Variants in KCNA2 observed in about 807,000 individuals in gnomAD.
The protein encoded by KCNA2 is potassium channel, voltage gated shaker related subfamily A, member 2.
A neutral mutation model predicts 33.4 loss-of-function variants in KCNA2; 11 were observed. That is an observed-to-expected ratio of 0.33 (90% CI 0.21 to 0.55). The LOEUF is 0.55. KCNA2 is among the 20% of genes least tolerant of loss of function. The pLI is 0.93. For missense variants in KCNA2, 291 were observed against 621.6 expected, an observed-to-expected ratio of 0.47 and a Z score of 5.66; for synonymous variants, 222 against 231.3, an observed-to-expected ratio of 0.96 and a Z score of 0.37.
chr1:110,628,224 C>G (rs1650451740), intron 1 of KCNA2, among the ~76,000 whole-genome samples: 1 of 152,106 alleles, frequency 6.6e-6, no homozygotes, highest in African/African-American at 2.4e-5. Context: ...GTTCTCCATT[C>G]TGTCCTCCAC....
chr1:110,596,681 T>C lies in KCNA2; in HGVS notation c.*6602A>G. 1 of 960,722 alleles carries C rather than the reference T, an allele frequency of 1.0e-6. No individual in the cohort carries two copies. Among genetic ancestry groups the C allele is most frequent in the Non-Finnish European group, 1.2e-6 (1 of 807,414 alleles). The allele number at this position is 960,722 out of a possible 1,614,324, so 59.5% of individuals were successfully genotyped here. A position where few individuals can be genotyped will look rare whatever the true frequency, so the allele number is the denominator to read the frequency against. On this transcript the variant is annotated 3_prime_UTR_variant, in exon 3 of 3. Coordinates refer to ENST00000316361, the MANE Select transcript of KCNA2 (RefSeq NM_004974.4). ...CTTAACTAAGGCAGGAAAGTTATGCTAACCTACTTAGGAAATATTTTTCTC... is the reference window on the plus strand; with the variant it reads ...CTTAACTAAGGCAGGAAAGTTATGCCAACCTACTTAGGAAATATTTTTCTC...
upstream of KCNA2, chr1:110,608,086 C>T (rs574724790): frequency 6.6e-6 from 1 of 152,554 alleles, no homozygotes; most frequent in East Asian, 1.9e-4. Flanking sequence ...GAATGGTCAG[C>T]TACTCACAAA....
At chr1:110,618,860 C>A (rs1650155385) in intron 1 of KCNA2, among the ~76,000 whole-genome samples, 2 of 152,332 alleles carry the variant, frequency 1.3e-5, no homozygotes, top group South Asian at 4.1e-4. Context: ...TGTCTTATCT[C>A]TTCCGGCAGG....
At position 110,600,403 on chromosome 1, in the gene KCNA2, T is replaced by C; in HGVS notation, c.*2880A>G. The C allele has an allele frequency of 1.0e-6, 1 of 985,110 alleles. No homozygotes were observed. Among genetic ancestry groups the C allele is most frequent in the East Asian group, 1.1e-4 (1 of 8,804 alleles). The allele number at this position is 985,110 out of a possible 1,614,324, so 61.0% of individuals were successfully genotyped here. Reference sequence around the variant, plus strand: ...TTTTGCATCTGAGTTTCAGGTTGTATATTTGTATGTGGTGTATGTTTGTCT... The same window carrying C: ...TTTTGCATCTGAGTTTCAGGTTGTACATTTGTATGTGGTGTATGTTTGTCT... On this transcript the variant is annotated 3_prime_UTR_variant, in exon 3 of 3. Transcript: ENST00000316361.
Position 110,630,632 on chromosome 1 carries a change from C to T in KCNA2, c.-496+763G>A, listed in dbSNP as rs570088091. ...TTAGATAAAATACATAAGCACTGGG[C>T]GCATGGTAGGCATTCAGTAATTGTT... On this transcript the variant is annotated intron_variant, in intron 1 of 4. Transcript: ENST00000369770. 2.0e-4 allele frequency among the ~76,000 whole-genome samples: 31 copies of T among 152,198 alleles called. No individual in the cohort carries two copies. The South Asian group carries it at 4.6e-3, about 22-fold the overall frequency.
chr1:110,606,891 TC>T (rs1299909914), upstream of KCNA2: 2 of 152,328 alleles, frequency 1.3e-5, no homozygotes, highest in African/African-American at 2.4e-5. Context: ...AGCCCGGCCG[TC>T]CCAAGTGGTT....
chr1:110,598,987 G>A lies in KCNA2; in HGVS notation c.*4296C>T, dbSNP rs1649222804. 1 of 985,286 alleles carries A rather than the reference G, an allele frequency of 1.0e-6. No homozygotes were observed. Among genetic ancestry groups the A allele is most frequent in the African/African-American group, 1.7e-5 (1 of 57,238 alleles). 61.0% of individuals were successfully genotyped at this position (985,286 alleles called of 1,614,324 possible). On this transcript the variant is annotated 3_prime_UTR_variant, in exon 3 of 3. Transcript: ENST00000316361. ...TGAATCCACAGAGGCACTTGATGAA[G>A]CCAACAGGAATGGTACCTTGACCTG...
chr1:110,612,737 T>A (rs1013646554), intron 1 of KCNA2, among the ~76,000 whole-genome samples: 1 of 152,240 alleles, frequency 6.6e-6, no homozygotes, highest in African/African-American at 2.4e-5. Context: ...AGGATCAACC[T>A]GCATTTCCTA....
upstream of KCNA2, among the ~76,000 whole-genome samples, chr1:110,608,542 G>C (rs1337982723): frequency 6.6e-6 from 1 of 152,194 alleles, no homozygotes; most frequent in East Asian, 1.9e-4. Context: ...GGATTCTGGC[G>C]TTTCATCGTG....
intron 1 of KCNA2, among the ~76,000 whole-genome samples, chr1:110,620,696 T>C (rs1044343834): frequency 3.9e-5 from 6 of 152,092 alleles, no homozygotes; most frequent in African/African-American, 1.4e-4. Flanking sequence ...GTGGGTAAAG[T>C]CGGTCATCTA....
chr1:110,600,142 G>A lies in KCNA2; in HGVS notation c.*3141C>T, dbSNP rs370594052. On this transcript the variant is annotated 3_prime_UTR_variant, in exon 3 of 3. Coordinates refer to ENST00000316361, the MANE Select transcript of KCNA2 (RefSeq NM_004974.4). ...TGATTACATCTGATCTTTTGTTTGTGCCTGTTAATTCATAGCTCTGGGGGC... is the reference window on the plus strand; with the variant it reads ...TGATTACATCTGATCTTTTGTTTGTACCTGTTAATTCATAGCTCTGGGGGC... 1 of 984,520 alleles carries A rather than the reference G, an allele frequency of 1.0e-6. No homozygotes were observed. Among genetic ancestry groups the A allele is most frequent in the Non-Finnish European group, 1.2e-6 (1 of 829,806 alleles). 61.0% of individuals were successfully genotyped at this position (984,520 alleles called of 1,614,324 possible). A position where few individuals can be genotyped will look rare whatever the true frequency, so the allele number is the denominator to read the frequency against.
upstream of KCNA2, among the ~76,000 whole-genome samples, chr1:110,609,978 A>G (rs1197304328): frequency 3.9e-5 from 6 of 152,248 alleles, no homozygotes; most frequent in African/African-American, 1.2e-4. Flanking sequence ...AAAATTAGCT[A>G]TAAAGAATGG....
rs150645242 is a variant in KCNA2 at position 110,597,582 on chromosome 1, A to G, written c.*5701T>C. On this transcript the variant is annotated 3_prime_UTR_variant, in exon 3 of 3. Coordinates refer to ENST00000316361, the MANE Select transcript of KCNA2 (RefSeq NM_004974.4). ...CAGGCCTTCCTTGTGCATACACTGC[A>G]TCTTAGCATATGTGTCCATTCCAGA... is the stretch of plus-strand genomic sequence containing the variant. The G allele has an allele frequency of 1.0e-6, 1 of 985,448 alleles. No individual in the cohort carries two copies. Among genetic ancestry groups the G allele is most frequent in the African/African-American group, 1.7e-5 (1 of 57,360 alleles). 61.0% of individuals were successfully genotyped at this position (985,448 alleles called of 1,614,324 possible). A position where few individuals can be genotyped will look rare whatever the true frequency, so the allele number is the denominator to read the frequency against.
At chr1:110,623,847 G>A (rs1156280743) in intron 1 of KCNA2, among the ~76,000 whole-genome samples, 1 of 151,368 alleles carries the variant, frequency 6.6e-6, no homozygotes, top group Non-Finnish European at 1.5e-5. Context: ...TGGATAATAA[G>A]CACATGAAAA....
At chr1:110,629,894 T>C (rs188637467) in intron 1 of KCNA2, among the ~76,000 whole-genome samples, 1 of 152,250 alleles carries the variant, frequency 6.6e-6, no homozygotes, top group African/African-American at 2.4e-5. Context: ...AAGAAAAGGG[T>C]ATTCATTTAT....
At position 110,593,949 on chromosome 1, in the gene KCNA2, C is replaced by T. The variant is rs1557724790; in HGVS notation, c.*9334G>A. The stretch of plus-strand genomic sequence containing the variant: ...GGTGTCTAAATTTTCAAGAAGCAAA[C>T]AAATAGTTAAATGACTCCCAACTCC... On this transcript the variant is annotated 3_prime_UTR_variant, in exon 3 of 3. Coordinates refer to ENST00000316361, the MANE Select transcript of KCNA2 (RefSeq NM_004974.4). 1 of 1,549,600 alleles carries T rather than the reference C, an allele frequency of 6.5e-7. No individual in the cohort carries two copies. The highest frequency in any genetic ancestry group is 8.7e-7 in the Non-Finnish European group (1 of 1,146,632).
At position 110,594,183 on chromosome 1, in the gene KCNA2, G is replaced by GCAGC. The variant is rs1648987217; in HGVS notation, c.*9096_*9099dup. ...ATTATTAGAGACAGGACATGGGAGG[G>GCAGC]CAGCTGAAGATTCATGCACAAGCAG... On this transcript the variant is annotated 3_prime_UTR_variant, in exon 3 of 3. Transcript: ENST00000316361. 4.5e-5 allele frequency: 55 copies of GCAGC among 1,233,996 alleles called. No individual in the cohort carries two copies. In the South Asian group the frequency reaches 1.1e-3, roughly 25 times the overall value. The allele number at this position is 1,233,996 out of a possible 1,614,324, so 76.4% of individuals were successfully genotyped here.
rs1256141323 is a variant in KCNA2 at position 110,602,102 on chromosome 1, G to A, written c.*1181C>T. 2.6e-6 allele frequency: 4 copies of A among 1,550,438 alleles called. No homozygotes were observed. The Admixed American group carries it at 5.9e-5, about 23-fold the overall frequency. On this transcript the variant is annotated 3_prime_UTR_variant, in exon 3 of 3. Coordinates refer to ENST00000316361, the MANE Select transcript of KCNA2 (RefSeq NM_004974.4). ...CCGCGACTAGGTTAATTCCTAAGGT[G>A]CAGTCATGTGAGGTGTTCAGATGCT... is the stretch of plus-strand genomic sequence containing the variant.
In KCNA2 at chr1:110,595,129, G is replaced by C; in HGVS notation, c.*8154C>G. 4.1e-6 allele frequency: 4 copies of C among 985,278 alleles called. No individual in the cohort carries two copies. The South Asian group carries it at 1.9e-4, about 46-fold the overall frequency. The allele number at this position is 985,278 out of a possible 1,614,324, so 61.0% of individuals were successfully genotyped here. ...CTCTGGATAGCTACCAAGGGTCCTA[G>C]CACACAGCCACATCTACACTGCCCT... On this transcript the variant is annotated 3_prime_UTR_variant, in exon 3 of 3. Coordinates refer to ENST00000316361, the MANE Select transcript of KCNA2 (RefSeq NM_004974.4).
Sources: gnomAD v4.1 joint callset for allele counts (sites outside exome capture counted in the v4.1 genomes callset) on GRCh38, gnomAD v4.1.1 for gene constraint, MANE v1.5 for transcripts, NCBI Gene and HGNC (gene_info 2026-07-23, HGNC 2026-07-21) for gene names.